KL: variants seen among roughly 807,000 people sequenced by gnomAD.
The protein encoded by KL is klotho.
A neutral mutation model predicts 84.2 loss-of-function variants in KL; 62 were observed. The ratio of observed to expected loss-of-function variants is 0.74; its 90% CI spans 0.60 to 0.91. The LOEUF is 0.91. Among genes scored for constraint, KL ranks in the 40% least tolerant of loss-of-function variants. KL has a pLI of 0.00. For synonymous variants in KL, 528 were observed against 528.0 expected (o/e 1.00, Z 0.00); for missense variants, 1,261 against 1,305.7 (o/e 0.97, Z 0.53).
At chr13:33,019,532 A>C (rs1870493430) in intron 1 of KL, among the ~76,000 whole-genome samples, 1 of 151,930 alleles carries the variant, frequency 6.6e-6, no homozygotes, top group Admixed American at 6.6e-5. Flanking sequence ...GGCTAAGGAG[A>C]TCCCCTGGGA....
At position 33,060,905 on chromosome 13, in the gene KL, C is replaced by A. The variant is rs780973827; in HGVS notation, c.1826C>A (p.Ser609Tyr). 3 of 1,614,110 alleles carry A rather than the reference C, an allele frequency of 1.9e-6. No homozygotes were observed. The highest frequency in any genetic ancestry group is 1.1e-5 in the South Asian group (1 of 91,064). Residue 609 changes from serine (S) to tyrosine (Y), a missense_variant, in exon 4 of 5, where the codon TCC (serine) becomes TAC (tyrosine). Ser to Tyr is a moderately radical substitution (Grantham distance 144, BLOSUM62 -2). Transcript: ENST00000380099. ...WALILPLGNQ[S>Y]QVNHTILQYY... ...CTGATTCTCCCTCTGGGTAACCAGT[C>A]CCAGGTGAACCACACCATCCTGCAG...
intron 3 of KL, among the ~76,000 whole-genome samples, chr13:33,059,739 G>A (rs1872100999): frequency 6.6e-6 from 1 of 152,152 alleles, no homozygotes; most frequent in African/African-American, 2.4e-5. Context: ...GCAAAGTGCC[G>A]GGATTACAGG....
rs1872326288 is a variant in KL, at chr13:33,064,288, C to T, written c.*102C>T. 3.3e-6 allele frequency: 3 copies of T among 911,426 alleles called. No individual in the cohort carries two copies. The highest frequency in any genetic ancestry group is 5.0e-5 in the Admixed American group (2 of 39,708). The allele number at this position is 911,426 out of a possible 1,614,324, so 56.5% of individuals were successfully genotyped here. ...GTGTTGTGAAACTGTAAATTTCATA[C>T]ATTTGACTTCTAGAAAACATTTTTG... On this transcript the variant is annotated 3_prime_UTR_variant, in exon 5 of 5. Coordinates refer to ENST00000380099, the MANE Select transcript of KL (RefSeq NM_004795.4).
intron 1 of KL, among the ~76,000 whole-genome samples, chr13:33,040,955 A>T (rs1742149942): frequency 6.6e-6 from 1 of 152,202 alleles, no homozygotes; most frequent in South Asian, 2.1e-4. Context: ...CTTCAATAAT[A>T]GCCTAAATCT....
intron 1 of KL, among the ~76,000 whole-genome samples, chr13:33,040,374 A>G (rs1427132600): frequency 6.6e-6 from 1 of 152,198 alleles, no homozygotes; most frequent in Non-Finnish European, 1.5e-5. Context: ...CTTGAAGTTG[A>G]GGTAATAGGG....
intron 1 of KL, among the ~76,000 whole-genome samples, chr13:33,045,771 G>A (rs533783140): frequency 1.3e-5 from 2 of 152,290 alleles, no homozygotes; most frequent in South Asian, 2.1e-4. Context: ...GAGCCACCAC[G>A]CCCGGCCCAT....
At chr13:33,046,369 GT>G in intron 1 of KL, among the ~76,000 whole-genome samples, 1 of 152,218 alleles carries the variant, frequency 6.6e-6, no homozygotes, top group African/African-American at 2.4e-5. Context: ...GGTAATGTGT[GT>G]GCTTCCGGGA....
intron 1 of KL, among the ~76,000 whole-genome samples, chr13:33,044,635 ATTTTCTTTTTT>A (rs1304794573): frequency 0.093 from 6,692 of 72,012 alleles, 233 homozygotes; most frequent in South Asian, 0.16. Flanking sequence ...AATGCAATTG[ATTTTCTTTTTT>A]TTTTTTTTTT....
At chr13:33,024,019 C>T (rs1343824981) in intron 1 of KL, among the ~76,000 whole-genome samples, 1 of 152,188 alleles carries the variant, frequency 6.6e-6, no homozygotes. Flanking sequence ...TTGATTTTCT[C>T]TTTCATATTG....
At chr13:33,035,512 C>T (rs1018443309) in intron 1 of KL, among the ~76,000 whole-genome samples, 7 of 152,180 alleles carry the variant, frequency 4.6e-5, no homozygotes, top group African/African-American at 1.4e-4. Context: ...TGAAAAAATC[C>T]TATTTGACTG....
chr13:33,035,334 T>C (rs1871117002), intron 1 of KL, among the ~76,000 whole-genome samples: 1 of 152,214 alleles, frequency 6.6e-6, no homozygotes, highest in South Asian at 2.1e-4. Flanking sequence ...CTGCTGTTGA[T>C]AACTTAAAGC....
At chr13:33,058,637 G>A (rs1360543519) in intron 3 of KL, among the ~76,000 whole-genome samples, 2 of 152,010 alleles carry the variant, frequency 1.3e-5, no homozygotes, top group Non-Finnish European at 1.5e-5. Flanking sequence ...ACCATGCCCG[G>A]CCTGTCCTGT....
At position 33,061,151 on chromosome 13, in the gene KL, A is replaced by G. The variant is rs761311692; in HGVS notation, c.2072A>G (p.Tyr691Cys). 1.9e-6 allele frequency: 3 copies of G among 1,614,264 alleles called. No homozygotes were observed. The highest frequency in any genetic ancestry group is 1.7e-5 in the Admixed American group (1 of 60,038). Reference protein sequence around the residue: ...VKLWITMNEPYTRNMTYSAGH... With the variant: ...VKLWITMNEPCTRNMTYSAGH... ...CTTTGGATAACGATGAATGAGCCGT[A>G]TACAAGGAATATGACATACAGTGCT... Residue 691 changes from tyrosine (Y) to cysteine (C), a missense_variant, in exon 4 of 5, where the codon TAT becomes TGT. By Grantham distance (194) the Tyr-to-Cys change is radical. Coordinates refer to ENST00000380099, the MANE Select transcript of KL (RefSeq NM_004795.4).
rs1242071733 is a variant in KL at position 33,055,334 on chromosome 13, C to G, written c.1599+19C>G. The G allele has an allele frequency of 1.9e-6, 3 of 1,614,106 alleles. No homozygotes were observed. In the East Asian group the frequency reaches 6.7e-5, roughly 36 times the overall value. On this transcript the variant is annotated intron_variant, in intron 3 of 4. Transcript: ENST00000380099. ...CATTCAAGTAAGTCAGCTGACAAAA[C>G]CAATCAGCAGTCTCACCAAGCCCTA...
chr13:33,065,232 C>G lies in KL; in HGVS notation c.*1046C>G. 4.6e-6 allele frequency: 1 copy of G among 216,952 alleles called. No homozygotes were observed. The highest frequency in any genetic ancestry group is 9.3e-6 in the Non-Finnish European group (1 of 107,750). 13.4% of individuals were successfully genotyped at this position (216,952 alleles called of 1,614,324 possible). On this transcript the variant is annotated 3_prime_UTR_variant, in exon 5 of 5. Coordinates refer to ENST00000380099, the MANE Select transcript of KL (RefSeq NM_004795.4). The stretch of plus-strand genomic sequence containing the variant: ...TACAAATTCTTAATAGGTTCAAAAG[C>G]AATCTGGTCTGAATAACACTGGATT...
intron 3 of KL, 118 bp downstream of exon 3, chr13:33,055,433 T>G (rs1399172903): frequency 2.3e-6 from 3 of 1,285,630 alleles, no homozygotes; most frequent in Non-Finnish European, 3.3e-6. Flanking sequence ...CAAAAACAAT[T>G]CCTTATGAGT....
At chr13:33,054,592 C>A (rs1002882759) in intron 2 of KL, among the ~76,000 whole-genome samples, 1 of 152,188 alleles carries the variant, frequency 6.6e-6, no homozygotes, top group Non-Finnish European at 1.5e-5. Context: ...GCTCTCTGCA[C>A]ATGTTTTTCA....
chr13:33,018,724 C>T (rs1281587136), intron 1 of KL, among the ~76,000 whole-genome samples: 1 of 152,120 alleles, frequency 6.6e-6, no homozygotes, highest in Non-Finnish European at 1.5e-5. Context: ...AGCAAGTTAT[C>T]AGTTCATACT....
rs141741908 is a variant in KL, at chr13:33,054,098, T to C, written c.1151T>C (p.Met384Thr). The C allele has an allele frequency of 3.8e-4, 613 of 1,614,022 alleles. No individual in the cohort carries two copies. Among genetic ancestry groups the C allele is most frequent in the Non-Finnish European group, 5.1e-4 (602 of 1,180,016 alleles). Residue 384 changes from methionine (M) to threonine (T), a missense_variant, in exon 2 of 5, where the codon ATG (methionine) becomes ACG (threonine). Physicochemically the swap from Met to Thr is moderately conservative, Grantham distance 81 (BLOSUM62 -1). Transcript: ENST00000380099. The stretch of plus-strand genomic sequence containing the variant: ...AGTTTTCAACTTTTGGACCCTCACA[T>C]GAAGTTCCGCCAATTGGAATCTCCC... ...TLSFQLLDPHMKFRQLESPNL... is the reference protein window; with the variant it reads ...TLSFQLLDPHTKFRQLESPNL...
Sources: allele counts gnomAD v4.1 joint callset (sites outside exome capture counted in the v4.1 genomes callset), GRCh38; gene constraint gnomAD v4.1.1; transcripts MANE v1.5; gene names NCBI Gene and HGNC (gene_info 2026-07-23, HGNC 2026-07-21).